The following SPTLC1 variants were observed in gnomAD, a reference collection of about 807,000 sequenced individuals.
SPTLC1 encodes serine palmitoyltransferase long chain base subunit 1, also known as serine palmitoyltransferase 1.
A neutral mutation model predicts 68.9 loss-of-function variants in SPTLC1; 55 were observed. The ratio of observed to expected loss-of-function variants is 0.80; its 90% CI spans 0.64 to 1.00. The LOEUF (loss-of-function observed/expected upper bound fraction) is 1.00, where lower values mean the gene tolerates loss of function less well. Ranked by LOEUF, SPTLC1 falls within the 50% of genes least tolerant of loss-of-function variation. The probability of loss-of-function intolerance (pLI) is 0.00; values close to 1 mark genes in which losing one functional copy is unlikely to be tolerated. For synonymous variants in SPTLC1, 197 were observed against 201.6 expected, an observed-to-expected ratio of 0.98 and a Z score of 0.19; for missense variants, 449 against 573.1, an observed-to-expected ratio of 0.78 and a Z score of 2.21.
At chr9:92,088,052 G>T (rs548860972) in intron 3 of SPTLC1, among the ~76,000 whole-genome samples, 26 of 152,390 alleles carry the variant, frequency 1.7e-4, no homozygotes, top group African/African-American at 6.2e-4. Flanking sequence ...CTCCGAGCCA[G>T]GTGAGGGATA....
At chr9:92,034,679 T>G in intron 14 of SPTLC1, 131 bp downstream of exon 14, 1 of 775,420 alleles carries the variant, frequency 1.3e-6, no homozygotes, top group South Asian at 1.5e-5. Flanking sequence ...AGACAGGTAA[T>G]GTACTATATT....
At chr9:92,091,183 T>A (rs1835348721) in intron 3 of SPTLC1, among the ~76,000 whole-genome samples, 1 of 152,234 alleles carries the variant, frequency 6.6e-6, no homozygotes. Flanking sequence ...TTGTACTTAT[T>A]TCCCACACAT....
At chr9:92,067,877 G>T in intron 6 of SPTLC1, 89 bp downstream of exon 6, 1 of 1,455,692 alleles carries the variant, frequency 6.9e-7, no homozygotes, top group Non-Finnish European at 9.6e-7. Context: ...ATTATTTTAT[G>T]CAGATAACTT....
At chr9:92,104,476 C>T (rs1404222133) in intron 3 of SPTLC1, 21 of 1,416,446 alleles carry the variant, frequency 1.5e-5, no homozygotes, top group Non-Finnish European at 2.0e-5. Flanking sequence ...GAGGGTCCTG[C>T]CTCCTGTGGT....
At chr9:92,032,959 A>G (rs1458624931) in intron 14 of SPTLC1, among the ~76,000 whole-genome samples, 1 of 152,168 alleles carries the variant, frequency 6.6e-6, no homozygotes, top group Admixed American at 6.5e-5. Context: ...AGTCAACCAT[A>G]TATGGCCTGA....
chr9:92,079,318 T>C, intron 5 of SPTLC1: 1 of 1,189,232 alleles, frequency 8.4e-7, no homozygotes, highest in Non-Finnish European at 1.1e-6. Context: ...TCAGGTGATC[T>C]GCCTGCCTCA....
intron 5 of SPTLC1, among the ~76,000 whole-genome samples, chr9:92,075,042 G>A (rs375775138): frequency 2.0e-4 from 30 of 151,884 alleles, no homozygotes; most frequent in Non-Finnish European, 2.8e-4. Context: ...CTTTCTTTTC[G>A]TCCATTTGTT....
chr9:92,083,211 G>A (rs1834963168), intron 3 of SPTLC1, among the ~76,000 whole-genome samples: 1 of 152,120 alleles, frequency 6.6e-6, no homozygotes, highest in Non-Finnish European at 1.5e-5. Context: ...TCTGATGGTA[G>A]TTTCTTTTGC....
intron 9 of SPTLC1, among the ~76,000 whole-genome samples, chr9:92,048,549 G>A (rs1197076227): frequency 6.6e-6 from 1 of 152,124 alleles, no homozygotes; most frequent in African/African-American, 2.4e-5. Context: ...CCATCACCCA[G>A]ATTCAAACAT....
intron 3 of SPTLC1, among the ~76,000 whole-genome samples, chr9:92,106,472 C>CAAA (rs34928872): frequency 7.3e-5 from 5 of 68,388 alleles, no homozygotes; most frequent in Admixed American, 1.7e-4. Flanking sequence ...GACTCCGTCT[C>CAAA]AAAAAAAAAA....
rs565254408 is a variant in SPTLC1 at position 92,049,859 on chromosome 9, A to G, written c.888+101T>C. On this transcript the variant is annotated intron_variant, in intron 9 of 14. Coordinates refer to ENST00000262554, the MANE Select transcript of SPTLC1 (RefSeq NM_006415.4). The stretch of plus-strand genomic sequence containing the variant: ...CAAAGTTTCGTGACCCTTCAAACTG[A>G]TAAGGAACACTGTCTTGTGCCTATA... 4 of 891,976 alleles carry G rather than the reference A, an allele frequency of 4.5e-6. No homozygotes were observed. In the African/African-American group the frequency reaches 4.9e-5, roughly 11 times the overall value. 55.3% of individuals were successfully genotyped at this position (891,976 alleles called of 1,614,324 possible).
chr9:92,059,184 G>T lies in SPTLC1; in HGVS notation c.685C>A (p.Gln229Lys). 1 of 1,613,446 alleles carries T rather than the reference G, an allele frequency of 6.2e-7. No homozygotes were observed. The highest frequency in any genetic ancestry group is 1.1e-5 in the South Asian group (1 of 90,936). ...RLLKEQEIEDQKNPRKARVTR... is the reference protein window; with the variant it reads ...RLLKEQEIEDKKNPRKARVTR... The stretch of plus-strand genomic sequence containing the variant: ...TTTCTTCAAAAGAATCATACCTTTT[G>T]ATCTTCGATCTCTTGTTCTTTTAGT... Residue 229 changes from glutamine (Q) to lysine (K), a missense_variant, in exon 7 of 15, where the codon CAA becomes AAA. Physicochemically the swap from Gln to Lys is moderately conservative, Grantham distance 53. Coordinates refer to ENST00000262554, the MANE Select transcript of SPTLC1 (RefSeq NM_006415.4).
chr9:92,084,560 T>G (rs1374929521), intron 3 of SPTLC1, among the ~76,000 whole-genome samples: 1 of 152,222 alleles, frequency 6.6e-6, no homozygotes, highest in African/African-American at 2.4e-5. Context: ...TTTGCATATA[T>G]TGAACCAGCC....
chr9:92,049,194 G>A (rs577505171), intron 9 of SPTLC1, among the ~76,000 whole-genome samples: 1 of 152,340 alleles, frequency 6.6e-6, no homozygotes, highest in East Asian at 1.9e-4. Context: ...TTAGCGGGAT[G>A]TCGATAATGT....
intron 13 of SPTLC1, among the ~76,000 whole-genome samples, chr9:92,036,035 CTT>C (rs1833128435): frequency 6.6e-6 from 1 of 152,196 alleles, no homozygotes. Flanking sequence ...CAGCATGGTT[CTT>C]TTCTTTCCTT....
At chr9:92,057,867 GT>G (rs1307972524) in intron 7 of SPTLC1, among the ~76,000 whole-genome samples, 1 of 152,056 alleles carries the variant, frequency 6.6e-6, no homozygotes, top group African/African-American at 2.4e-5. Flanking sequence ...GTAGAAATAA[GT>G]TTCAAGATAT....
chr9:92,042,892 C>T (rs1833399895), intron 12 of SPTLC1, among the ~76,000 whole-genome samples: 1 of 152,220 alleles, frequency 6.6e-6, no homozygotes, highest in South Asian at 2.1e-4. Flanking sequence ...TGATACAGTA[C>T]TGTCAACCAG....
intron 3 of SPTLC1, among the ~76,000 whole-genome samples, chr9:92,085,864 T>C (rs1835102880): frequency 6.6e-6 from 1 of 151,724 alleles, no homozygotes. Flanking sequence ...CCATTATTAA[T>C]GTGTGGGAGT....
At chr9:92,088,971 CCAAT>C (rs1445935702) in intron 3 of SPTLC1, among the ~76,000 whole-genome samples, 1 of 152,150 alleles carries the variant, frequency 6.6e-6, no homozygotes, top group Non-Finnish European at 1.5e-5. Context: ...AACAACTTTC[CCAAT>C]CAAAAACCAC....
Sources: allele counts gnomAD v4.1 joint callset (sites outside exome capture counted in the v4.1 genomes callset), GRCh38; gene constraint gnomAD v4.1.1; transcripts MANE v1.5; gene names NCBI Gene and HGNC (gene_info 2026-07-23, HGNC 2026-07-21).